EGFLAM: variants seen among roughly 807,000 people sequenced by gnomAD.
EGFLAM encodes the protein pikachurin.
A neutral mutation model predicts 113.1 loss-of-function variants in EGFLAM; 79 were observed. The ratio of observed to expected loss-of-function variants is 0.70; its 90% CI spans 0.58 to 0.84. EGFLAM has a LOEUF of 0.84. EGFLAM is among the 40% of genes least tolerant of loss of function. The pLI, the probability that EGFLAM is intolerant of heterozygous loss-of-function variation, is 0.00. For missense variants in EGFLAM, 1,265 were observed against 1,291.6 expected, an observed-to-expected ratio of 0.98 and a Z score of 0.32; for synonymous variants, 504 against 487.6, an observed-to-expected ratio of 1.03 and a Z score of -0.44.
At chr5:38,362,126 C>T (rs776641425) in intron 5 of EGFLAM, among the ~76,000 whole-genome samples, 2 of 152,094 alleles carry the variant, frequency 1.3e-5, no homozygotes, top group Non-Finnish European at 2.9e-5. Context: ...ATGCATCCCC[C>T]GACCCCCGCA....
chr5:38,378,818 A>G (rs1740432570), intron 6 of EGFLAM, among the ~76,000 whole-genome samples: 1 of 152,164 alleles, frequency 6.6e-6, no homozygotes, highest in South Asian at 2.1e-4. Flanking sequence ...CATCTCTAAG[A>G]TGGGTACAGT....
rs1741716668 is a variant in EGFLAM, at chr5:38,418,234, G to A, written c.1663G>A (p.Ala555Thr). The A allele has an allele frequency of 6.2e-7, 1 of 1,613,828 alleles. No homozygotes were observed. Among genetic ancestry groups the A allele is most frequent in the Admixed American group, 1.7e-5 (1 of 59,990 alleles). Residue 555 changes from alanine to threonine, a missense_variant, in exon 12 of 22, where the codon GCA (alanine) becomes ACA (threonine). Coordinates refer to ENST00000322350, the MANE Select transcript of EGFLAM (RefSeq NM_152403.4). ...CATGAGGCCCTGGCCCCTGGGAAAA[G>A]CACTCAGTGGGGCTGATGTGGGTAA... Reference protein sequence around the residue: ...IDMRPWPLGKALSGADVGECS... With the variant: ...IDMRPWPLGKTLSGADVGECS...
chr5:38,371,720 T>C (rs1403840612), intron 6 of EGFLAM, among the ~76,000 whole-genome samples: 1 of 152,224 alleles, frequency 6.6e-6, no homozygotes, highest in Non-Finnish European at 1.5e-5. Flanking sequence ...TCTTCTTCTT[T>C]AGAATTTAGA....
At position 38,258,714 on chromosome 5, in the gene EGFLAM, C is replaced by A. The variant is rs772689689; in HGVS notation, c.-41C>A. The stretch of plus-strand genomic sequence containing the variant: ...CCCCCGGAGACGCCCTTTCCGTGTG[C>A]GCCCGGGACTTGGTGAAACTTTGCA... On this transcript the variant is annotated 5_prime_UTR_variant, in exon 1 of 22. Coordinates refer to ENST00000322350, the MANE Select transcript of EGFLAM (RefSeq NM_152403.4). 3.8e-5 allele frequency: 60 copies of A among 1,575,722 alleles called. No individual in the cohort carries two copies. The highest frequency in any genetic ancestry group is 4.6e-5 in the Non-Finnish European group (53 of 1,158,796).
intron 17 of EGFLAM, among the ~76,000 whole-genome samples, chr5:38,448,091 C>T (rs1418425149): frequency 6.6e-6 from 1 of 152,080 alleles, no homozygotes; most frequent in Non-Finnish European, 1.5e-5. Context: ...AATACTTCCC[C>T]AGGAGGGAAA....
intron 1 of EGFLAM, among the ~76,000 whole-genome samples, chr5:38,323,466 C>T (rs1738791462): frequency 1.3e-5 from 2 of 152,172 alleles, no homozygotes; most frequent in South Asian, 4.1e-4. Context: ...TACAGGAACA[C>T]AGCTTCAGGG....
chr5:38,431,258 T>A lies in EGFLAM; in HGVS notation c.2136T>A (p.Asp712Glu). The A allele has an allele frequency of 2.5e-6, 4 of 1,614,202 alleles. No individual in the cohort carries two copies. Among genetic ancestry groups the A allele is most frequent in the Non-Finnish European group, 3.4e-6 (4 of 1,180,026 alleles). Reference sequence around the variant, plus strand: ...CAAAGAATGGAATCTTACAGGTGGATAAGCAGAAGATAGTGGAGGGAATGG... The same window carrying A: ...CAAAGAATGGAATCTTACAGGTGGAAAAGCAGAAGATAGTGGAGGGAATGG... Reference protein sequence around the residue: ...RTAKNGILQVDKQKIVEGMAE... With the variant: ...RTAKNGILQVEKQKIVEGMAE... The change falls in exon 15 of 22, where the codon GAT becomes GAA. Residue 712 changes from aspartate (D) to glutamate (E), a missense_variant. Coordinates refer to ENST00000322350, the MANE Select transcript of EGFLAM (RefSeq NM_152403.4).
rs75113658 is a variant in EGFLAM, at chr5:38,319,965, C to T, written c.98-17555C>T. 2.2e-3 allele frequency among the ~76,000 whole-genome samples: 340 copies of T among 152,360 alleles called. 2 individuals carry two copies. In the East Asian group the frequency reaches 0.048, roughly 22 times the overall value. ...GGGCATCCTCTCCAATTAGGAATTA[C>T]TGCCATTGAGGTGTCTCCTAAGAGG... On this transcript the variant is annotated intron_variant, in intron 1 of 21. Transcript: ENST00000322350.
At chr5:38,313,443 A>G in intron 1 of EGFLAM, among the ~76,000 whole-genome samples, 2 of 152,334 alleles carry the variant, frequency 1.3e-5, no homozygotes, top group Middle Eastern at 6.8e-3. Flanking sequence ...AATTTTAAGT[A>G]TTACAAATAT....
chr5:38,413,185 A>ATTTTTT (rs34326457), intron 11 of EGFLAM, among the ~76,000 whole-genome samples: 117 of 100,898 alleles, frequency 1.2e-3, no homozygotes, highest in Non-Finnish European at 1.6e-3. Context: ...TGCCTGGCTA[A>ATTTTTT]TTTTTTTTTT....
At chr5:38,352,063 A>T in intron 4 of EGFLAM, 133 bp from the exon 5 acceptor site, 1 of 1,268,492 alleles carries the variant, frequency 7.9e-7, no homozygotes, top group Non-Finnish European at 1.1e-6. Flanking sequence ...TATTTTGGGT[A>T]TAGGAAGCAC....
chr5:38,437,226 A>G (rs1393609485), intron 16 of EGFLAM, among the ~76,000 whole-genome samples: 1 of 152,162 alleles, frequency 6.6e-6, no homozygotes, highest in Non-Finnish European at 1.5e-5. Context: ...TGGGGTAAAG[A>G]ATGCGACCTG....
chr5:38,462,912 G>C lies in EGFLAM; in HGVS notation c.2776G>C (p.Gly926Arg), dbSNP rs1161785352. 3 of 1,613,978 alleles carry C rather than the reference G, an allele frequency of 1.9e-6. No individual in the cohort carries two copies. The highest frequency in any genetic ancestry group is 1.7e-6 in the Non-Finnish European group (2 of 1,180,006). The stretch of plus-strand genomic sequence containing the variant: ...TTTTGTTTTGGTGTTTTGCAGGGAT[G>C]GCCAGTCAGGAAAGATAACCGTGGA... The part of the protein sequence containing the change: ...RWHRVKAVRD[G>R]QSGKITVDDY... Residue 926 changes from glycine to arginine, a missense_variant, in exon 21 of 22, where the codon GGC becomes CGC. Physicochemically the swap from Gly to Arg is moderately radical, Grantham distance 125. Coordinates refer to ENST00000322350, the MANE Select transcript of EGFLAM (RefSeq NM_152403.4).
chr5:38,307,830 G>A (rs1259941206), intron 1 of EGFLAM, among the ~76,000 whole-genome samples: 1 of 152,214 alleles, frequency 6.6e-6, no homozygotes, highest in Non-Finnish European at 1.5e-5. Context: ...CACTGGGTAG[G>A]ATTTTCCAAC....
At chr5:38,268,799 AG>A (rs1183425939) in intron 1 of EGFLAM, among the ~76,000 whole-genome samples, 1 of 152,220 alleles carries the variant, frequency 6.6e-6, no homozygotes, top group East Asian at 1.9e-4. Context: ...GTTTGCAGTA[AG>A]GTTCAAAAAT....
chr5:38,259,112 C>G (rs556353742), intron 1 of EGFLAM, among the ~76,000 whole-genome samples: 27 of 152,320 alleles, frequency 1.8e-4, no homozygotes, highest in African/African-American at 6.5e-4. Context: ...CGTGTTTGAC[C>G]GCAGAGAGCT....
intron 6 of EGFLAM, among the ~76,000 whole-genome samples, chr5:38,374,382 G>A (rs552394287): frequency 1.3e-5 from 2 of 152,180 alleles, no homozygotes; most frequent in Admixed American, 6.5e-5. Flanking sequence ...TGTTGGGCAG[G>A]GGCTTGGGAA....
At chr5:38,299,642 T>C (rs184791072) in intron 1 of EGFLAM, among the ~76,000 whole-genome samples, 57 of 152,266 alleles carry the variant, frequency 3.7e-4, no homozygotes, top group Non-Finnish European at 4.9e-4. Context: ...GGTTTTGAGA[T>C]GGTATTAAAT....
chr5:38,442,628 C>T (rs1411188906), intron 17 of EGFLAM, among the ~76,000 whole-genome samples: 4 of 152,064 alleles, frequency 2.6e-5, no homozygotes, highest in African/African-American at 4.8e-5. Flanking sequence ...AGACTCTTTT[C>T]GCTGCAGTCC....
Sources: allele counts gnomAD v4.1 joint callset (sites outside exome capture counted in the v4.1 genomes callset), GRCh38; gene constraint gnomAD v4.1.1; transcripts MANE v1.5; gene names NCBI Gene and HGNC (gene_info 2026-07-23, HGNC 2026-07-21).